KLHL8: variants seen among roughly 807,000 people sequenced by gnomAD.
KLHL8 encodes kelch like family member 8.
KLHL8 carries 38 observed loss-of-function variants against 63.5 expected under a neutral mutation model. That is an observed-to-expected ratio of 0.60 (90% CI 0.46 to 0.78). KLHL8 has a LOEUF of 0.78. Ranked by LOEUF, KLHL8 falls within the 30% of genes least tolerant of loss-of-function variation. The pLI is 0.00. For synonymous variants in KLHL8, 224 were observed against 254.3 expected, an observed-to-expected ratio of 0.88 and a Z score of 1.13; for missense variants, 566 against 752.4, an observed-to-expected ratio of 0.75 and a Z score of 2.90.
chr4:87,207,137 G>A, intron 1 of KLHL8: 1 of 549,268 alleles, frequency 1.8e-6, no homozygotes, highest in East Asian at 4.4e-5. Flanking sequence ...TGGATGCCTG[G>A]TCACCAGGGT....
Position 87,185,380 on chromosome 4 carries a change from G to A in KLHL8, c.636C>T (p.His212=), listed in dbSNP as rs1197959653. Residue 212 remains histidine, a synonymous_variant, in exon 3 of 10, where the codon CAC becomes CAT. Coordinates refer to ENST00000273963, the MANE Select transcript of KLHL8 (RefSeq NM_020803.5). The part of the protein sequence containing the change: ...CEDFVSVSPQ[H]LHKLLSSSDL... ...CACTGGAGGACAAAAGCTTATGGAG[G>A]TGCTGCGGTGATACACTTACAAAGT... 1 of 1,614,134 alleles carries A rather than the reference G, an allele frequency of 6.2e-7. No individual in the cohort carries two copies. The highest frequency in any genetic ancestry group is 8.5e-7 in the Non-Finnish European group (1 of 1,180,026).
chr4:87,221,563 G>C (rs143540062), upstream of KLHL8, among the ~76,000 whole-genome samples: 16 of 151,856 alleles, frequency 1.1e-4, no homozygotes, highest in Non-Finnish European at 1.9e-4. Context: ...TCTTTTGCCA[G>C]ACTAACCTCA....
intron 2 of KLHL8, among the ~76,000 whole-genome samples, chr4:87,192,013 T>A (rs939113825): frequency 6.6e-6 from 1 of 152,214 alleles, no homozygotes; most frequent in African/African-American, 2.4e-5. Flanking sequence ...AATCCACCAC[T>A]GATGGGCACC....
intron 1 of KLHL8, among the ~76,000 whole-genome samples, chr4:87,229,652 G>A (rs1251201993): frequency 2.0e-5 from 3 of 151,318 alleles, no homozygotes; most frequent in South Asian, 4.2e-4. Flanking sequence ...GGCTGGTGTC[G>A]GACTCCTAAC....
chr4:87,213,931 T>C (rs550891239), intron 1 of KLHL8, among the ~76,000 whole-genome samples: 2 of 152,300 alleles, frequency 1.3e-5, no homozygotes, highest in Admixed American at 1.3e-4. Context: ...CTCGGGCAAG[T>C]TACTTAAAAT....
chr4:87,236,356 G>T (rs572967295), intron 1 of KLHL8, among the ~76,000 whole-genome samples: 14 of 151,906 alleles, frequency 9.2e-5, no homozygotes, highest in African/African-American at 2.7e-4. Flanking sequence ...CTACAGGGGC[G>T]CACCACCATG....
At position 87,217,907 on chromosome 4, in the gene KLHL8, T is replaced by G. The variant is rs1028965320; in HGVS notation, c.-152+2511A>C. On this transcript the variant is annotated intron_variant, in intron 1 of 9. Coordinates refer to ENST00000273963, the MANE Select transcript of KLHL8 (RefSeq NM_020803.5). ...ATCTGAAATTAATGTTTAAGATGTCTGCAATAGTCTCTTTAATCTTTTTAA... is the reference window on the plus strand; with the variant it reads ...ATCTGAAATTAATGTTTAAGATGTCGGCAATAGTCTCTTTAATCTTTTTAA... 7.2e-5 allele frequency among the ~76,000 whole-genome samples: 11 copies of G among 152,356 alleles called. No homozygotes were observed. The East Asian group carries it at 2.1e-3, about 29-fold the overall frequency.
chr4:87,211,231 A>AT (rs1472452497), intron 1 of KLHL8, among the ~76,000 whole-genome samples: 1 of 152,260 alleles, frequency 6.6e-6, no homozygotes, highest in Non-Finnish European at 1.5e-5. Context: ...AACACTGTGC[A>AT]TAAGACATTT....
At chr4:87,189,515 A>G (rs1278692663) in intron 2 of KLHL8, among the ~76,000 whole-genome samples, 1 of 152,194 alleles carries the variant, frequency 6.6e-6, no homozygotes, top group African/African-American at 2.4e-5. Flanking sequence ...AATACAATGA[A>G]AATAAGGCTT....
chr4:87,164,951 A>G (rs534570252), intron 8 of KLHL8, among the ~76,000 whole-genome samples: 55 of 152,142 alleles, frequency 3.6e-4, no homozygotes, highest in African/African-American at 1.1e-3. Context: ...GATCGAGACC[A>G]TCCTGGCTAA....
chr4:87,163,556 A>G lies in KLHL8; in HGVS notation c.1826T>C (p.Val609Ala). Residue 609 changes from valine to alanine, a missense_variant, in exon 10 of 10, where the codon GTA (valine) becomes GCA (alanine). Val to Ala is a moderately conservative substitution (Grantham distance 64). Transcript: ENST00000273963. ...AACCACATTATTGGATCCATGACCT[A>G]CATCTCGAATTTGGCTAGTTAAACA... Reference protein sequence around the residue: ...CSCLTSQIRDVGHGSNNVVDC... With the variant: ...CSCLTSQIRDAGHGSNNVVDC... 6.2e-7 allele frequency: 1 copy of G among 1,614,192 alleles called. No individual in the cohort carries two copies. Among genetic ancestry groups the G allele is most frequent in the Non-Finnish European group, 8.5e-7 (1 of 1,180,014 alleles).
At chr4:87,208,162 G>A (rs1481846383) in intron 1 of KLHL8, 19 of 382,668 alleles carry the variant, frequency 5.0e-5, no homozygotes, top group Admixed American at 6.8e-5. Context: ...GGGAGTCCCT[G>A]CCACACTCAG....
chr4:87,215,505 T>C (rs1732561121), intron 1 of KLHL8, among the ~76,000 whole-genome samples: 1 of 152,130 alleles, frequency 6.6e-6, no homozygotes. Context: ...AAAAAAGATC[T>C]CAAGGAAAAA....
intron 1 of KLHL8, among the ~76,000 whole-genome samples, chr4:87,210,205 G>C (rs1241288420): frequency 6.6e-6 from 1 of 152,078 alleles, no homozygotes; most frequent in East Asian, 1.9e-4. Flanking sequence ...ATGCCAGCTG[G>C]TTGCAGTGGC....
intron 1 of KLHL8, among the ~76,000 whole-genome samples, chr4:87,236,924 A>G (rs1399389660): frequency 6.6e-6 from 1 of 152,180 alleles, no homozygotes; most frequent in Non-Finnish European, 1.5e-5. Flanking sequence ...TCGGTCTCCC[A>G]AAGTGCTGAG....
chr4:87,226,719 T>A (rs375107298), intron 1 of KLHL8, among the ~76,000 whole-genome samples: 10 of 15,114 alleles, frequency 6.6e-4, no homozygotes, highest in South Asian at 3.9e-3. Flanking sequence ...TATATATTAT[T>A]TATATATAAT....
intron 1 of KLHL8, among the ~76,000 whole-genome samples, chr4:87,237,723 A>G (rs1733256690): frequency 6.6e-6 from 1 of 152,112 alleles, no homozygotes; most frequent in Non-Finnish European, 1.5e-5. Context: ...GCTACTCAGG[A>G]GGCTGAGGTG....
In KLHL8 at chr4:87,183,270, G is replaced by C; in HGVS notation, c.885C>G (p.His295Gln). Residue 295 changes from histidine (H) to glutamine (Q), a missense_variant, in exon 4 of 10, where the codon CAC (histidine) becomes CAG (glutamine). By Grantham distance (24) the His-to-Gln change is conservative. Transcript: ENST00000273963. Reference protein sequence around the residue: ...LLDEARNYHLHLSSRAVPDFE... With the variant: ...LLDEARNYHLQLSSRAVPDFE... Reference sequence around the variant, plus strand: ...AGTCAGGTACTGCTCTGCTACTCAAGTGAAGGTGGTAATTTCTTGCTTCAT... The same window carrying C: ...AGTCAGGTACTGCTCTGCTACTCAACTGAAGGTGGTAATTTCTTGCTTCAT... 6.2e-7 allele frequency: 1 copy of C among 1,613,876 alleles called. No individual in the cohort carries two copies. The highest frequency in any genetic ancestry group is 8.5e-7 in the Non-Finnish European group (1 of 1,179,866).
intron 6 of KLHL8, among the ~76,000 whole-genome samples, chr4:87,172,877 G>C (rs1409049254): frequency 3.3e-5 from 5 of 152,028 alleles, no homozygotes; most frequent in Non-Finnish European, 5.9e-5. Flanking sequence ...AGAGAAATCT[G>C]ATCCTACAAT....
Sources: allele counts gnomAD v4.1 joint callset (sites outside exome capture counted in the v4.1 genomes callset), GRCh38; gene constraint gnomAD v4.1.1; transcripts MANE v1.5; gene names NCBI Gene and HGNC (gene_info 2026-07-23, HGNC 2026-07-21).